Variants in TNFRSF10D observed in about 807,000 individuals in gnomAD.
TNFRSF10D encodes the protein TNF receptor superfamily member 10d, also known as tumor necrosis factor receptor superfamily member 10D.
In TNFRSF10D, 28 loss-of-function variants were observed where a neutral mutation model predicts 42.1. The ratio of observed to expected loss-of-function variants is 0.66; its 90% CI spans 0.49 to 0.91. The LOEUF is 0.91. Among genes scored for constraint, TNFRSF10D ranks in the 40% least tolerant of loss-of-function variants. TNFRSF10D has a pLI of 0.00. For synonymous variants in TNFRSF10D, 186 were observed against 189.4 expected (o/e 0.98, Z 0.15); for missense variants, 503 against 486.1 (o/e 1.03, Z -0.33).
rs1259621565 is a variant in TNFRSF10D at position 23,135,745 on chromosome 8, T to C, written c.*2125A>G. 6.3e-6 allele frequency: 2 copies of C among 316,554 alleles called. No homozygotes were observed. Among genetic ancestry groups the C allele is most frequent in the Non-Finnish European group, 1.3e-5 (2 of 159,518 alleles). 19.6% of individuals were successfully genotyped at this position (316,554 alleles called of 1,614,324 possible). ...AACAATTTCATGTTGTCAGGAAGCT[T>C]ATGTTAAAGGAATAAGCTTAAACAC... On this transcript the variant is annotated 3_prime_UTR_variant, in exon 9 of 9. Coordinates refer to ENST00000312584, the MANE Select transcript of TNFRSF10D (RefSeq NM_003840.5).
intron 7 of TNFRSF10D, among the ~76,000 whole-genome samples, chr8:23,140,168 A>C (rs563985424): frequency 2.6e-5 from 4 of 152,272 alleles, no homozygotes; most frequent in Admixed American, 2.6e-4. Flanking sequence ...GTGCGCCTGT[A>C]ATCCCAGCTG....
intron 3 of TNFRSF10D, 35 bp from the exon 4 acceptor site, chr8:23,147,107 T>C (rs1800131476): frequency 6.3e-7 from 1 of 1,576,204 alleles, no homozygotes; most frequent in African/African-American, 1.4e-5. Flanking sequence ...AGAATGTGTT[T>C]CCCTGACATG....
At chr8:23,148,932 T>C (rs1338331339) in intron 2 of TNFRSF10D, among the ~76,000 whole-genome samples, 1 of 151,870 alleles carries the variant, frequency 6.6e-6, no homozygotes, top group Admixed American at 6.6e-5. Context: ...GGCTCACGCC[T>C]GTAATCCCAG....
chr8:23,145,110 T>G (rs755234437), intron 5 of TNFRSF10D, 21 bp from the exon 6 acceptor site: 2 of 1,613,904 alleles, frequency 1.2e-6, no homozygotes, highest in South Asian at 2.2e-5. Flanking sequence ...AGCAGTCTCC[T>G]GAGCAGGCGG....
chr8:23,146,956 C>G lies in TNFRSF10D; in HGVS notation c.482+5G>C, dbSNP rs1260619764. On this transcript the variant is annotated splice_donor_5th_base_variant and intron_variant, in intron 4 of 8. Transcript: ENST00000312584. ...GCTGTTGGGAGCCCCTGGCTGCTGT[C>G]TTACCCTGTTCTACACGTCCGGCAC... is the stretch of plus-strand genomic sequence containing the variant. The G allele has an allele frequency of 3.1e-6, 5 of 1,613,424 alleles. No homozygotes were observed. The highest frequency in any genetic ancestry group is 4.2e-6 in the Non-Finnish European group (5 of 1,179,342).
intron 3 of TNFRSF10D, 55 bp downstream of exon 3, chr8:23,148,383 C>T (rs1025559922): frequency 1.8e-5 from 26 of 1,425,856 alleles, no homozygotes; most frequent in Non-Finnish European, 2.5e-5. Flanking sequence ...GGCTACAGCT[C>T]CCACCTCATC....
At chr8:23,152,860 C>G (rs113214306) in intron 2 of TNFRSF10D, among the ~76,000 whole-genome samples, 907 of 151,992 alleles carry the variant, frequency 6.0e-3, no homozygotes, top group African/African-American at 0.019. Flanking sequence ...CCAAAATAGA[C>G]AAAATAAATC....
In TNFRSF10D at chr8:23,161,435, G is replaced by A. The variant is rs111783852; in HGVS notation, c.150+2351C>T. 3.3e-3 allele frequency among the ~76,000 whole-genome samples: 501 copies of A among 152,368 alleles called. 2 individuals carry two copies. The highest frequency in any genetic ancestry group is 0.011 in the African/African-American group (472 of 41,592). ...GAGCCAGGACCTGGGGTCAGGAACT[G>A]AGCTCAGCTCCAGGCTCATCTGATG... On this transcript the variant is annotated intron_variant, in intron 1 of 8. Coordinates refer to ENST00000312584, the MANE Select transcript of TNFRSF10D (RefSeq NM_003840.5).
At chr8:23,162,228 C>T (rs145970674) in intron 1 of TNFRSF10D, among the ~76,000 whole-genome samples, 35 of 152,278 alleles carry the variant, frequency 2.3e-4, no homozygotes, top group African/African-American at 7.9e-4. Flanking sequence ...ATCAAAGCCT[C>T]CTTTGGGACG....
At position 23,145,632 on chromosome 8, in the gene TNFRSF10D, C is replaced by G. The variant is rs200953872; in HGVS notation, c.736+36G>C. The G allele has an allele frequency of 4.3e-6, 7 of 1,612,138 alleles. No individual in the cohort carries two copies. The African/African-American group carries it at 6.7e-5, about 15-fold the overall frequency. ...ACGGAGTGGGAGAGGGCAGGGCAGA[C>G]AGTGCCCAGCGCTCCCACCCTCAGC... On this transcript the variant is annotated intron_variant, in intron 5 of 8. Transcript: ENST00000312584.
At chr8:23,155,267 G>A (rs958421402) in intron 1 of TNFRSF10D, among the ~76,000 whole-genome samples, 1 of 144,900 alleles carries the variant, frequency 6.9e-6, no homozygotes, top group African/African-American at 2.6e-5. Flanking sequence ...ATAGAGTCTT[G>A]CTATGTTGCC....
intron 8 of TNFRSF10D, 59 bp from the exon 9 acceptor site, chr8:23,138,062 G>A (rs896040372): frequency 6.3e-5 from 102 of 1,609,002 alleles, no homozygotes; most frequent in East Asian, 2.2e-5. Context: ...GCACAGGATC[G>A]ACATGGGGCC....
At chr8:23,141,708 T>C (rs1800022489) in intron 7 of TNFRSF10D, among the ~76,000 whole-genome samples, 1 of 149,894 alleles carries the variant, frequency 6.7e-6, no homozygotes, top group Non-Finnish European at 1.5e-5. Flanking sequence ...CCAACAAACA[T>C]ATGAAAAAAT....
intron 2 of TNFRSF10D, among the ~76,000 whole-genome samples, chr8:23,149,203 A>AAAAAAG (rs1554518929): frequency 2.0e-5 from 3 of 147,926 alleles, no homozygotes; most frequent in African/African-American, 5.0e-5. Flanking sequence ...AAAAAAAAAA[A>AAAAAAG]AAAAGAAAAG....
chr8:23,140,562 G>A (rs1814445996), intron 7 of TNFRSF10D, among the ~76,000 whole-genome samples: 2 of 152,082 alleles, frequency 1.3e-5, no homozygotes, highest in Non-Finnish European at 2.9e-5. Flanking sequence ...GCTAAAATGG[G>A]CATACTGCTG....
At chr8:23,153,591 C>G (rs1290485036) in intron 2 of TNFRSF10D, among the ~76,000 whole-genome samples, 1 of 152,106 alleles carries the variant, frequency 6.6e-6, no homozygotes, top group Non-Finnish European at 1.5e-5. Flanking sequence ...AAAAAGAAGA[C>G]ATAGAAGTGG....
At chr8:23,139,583 G>A (rs1453675566) in intron 7 of TNFRSF10D, among the ~76,000 whole-genome samples, 1 of 152,094 alleles carries the variant, frequency 6.6e-6, no homozygotes, top group Non-Finnish European at 1.5e-5. Context: ...CATACTGAAT[G>A]GGCCAAAGCT....
At position 23,163,897 on chromosome 8, in the gene TNFRSF10D, G is replaced by T; in HGVS notation, c.39C>A (p.Ser13Arg). 2 of 1,592,238 alleles carry T rather than the reference G, an allele frequency of 1.3e-6. No homozygotes were observed. Among genetic ancestry groups the T allele is most frequent in the South Asian group, 1.1e-5 (1 of 88,406 alleles). Residue 13 changes from serine to arginine, a missense_variant, in exon 1 of 9, where the codon AGC (serine) becomes AGA (arginine). By Grantham distance (110) the Ser-to-Arg change is moderately radical. Transcript: ENST00000312584. The stretch of plus-strand genomic sequence containing the variant: ...CTCCTGGATAGCGCCCTGCTCGAGC[G>T]CTCGAGGCGGTCGGGACGCTTTGTC... Reference protein sequence around the residue: ...LWGQSVPTASSARAGRYPGAR... With the variant: ...LWGQSVPTASRARAGRYPGAR...
rs144274951 is a variant in TNFRSF10D at position 23,139,621 on chromosome 8, A to G, written c.955-1361T>C. Among the ~76,000 whole-genome samples the G allele has an allele frequency of 1.1e-3, 161 of 152,324 alleles. 1 individual carries two copies. Among genetic ancestry groups the G allele is most frequent in the South Asian group, 7.0e-3 (34 of 4,830 alleles). On this transcript the variant is annotated intron_variant, in intron 7 of 8. Transcript: ENST00000312584. ...AAGCATTCCCCTTGAGAACTGGAAC[A>G]AGGCAAGGATGCTCACGCTCACCAC...
Sources: allele counts gnomAD v4.1 joint callset (sites outside exome capture counted in the v4.1 genomes callset), GRCh38; gene constraint gnomAD v4.1.1; transcripts MANE v1.5; gene names NCBI Gene and HGNC (gene_info 2026-07-23, HGNC 2026-07-21).